ARPC3: variants seen among roughly 807,000 people sequenced by gnomAD.
ARPC3 encodes the protein actin-related protein 2/3 complex subunit 3.
In ARPC3, 12 loss-of-function variants were observed where a neutral mutation model predicts 27.6. The ratio of observed to expected loss-of-function variants is 0.43; its 90% CI spans 0.28 to 0.70. The LOEUF is 0.70. Ranked by LOEUF, ARPC3 falls within the 30% of genes least tolerant of loss-of-function variation. The pLI, the probability that ARPC3 is intolerant of heterozygous loss-of-function variation, is 0.17. For missense variants in ARPC3, 153 were observed against 207.7 expected, an observed-to-expected ratio of 0.74 and a Z score of 1.62; for synonymous variants, 53 against 67.2, an observed-to-expected ratio of 0.79 and a Z score of 1.03.
chr12:110,445,973 G>A (rs900245555), intron 1 of ARPC3, among the ~76,000 whole-genome samples: 1 of 151,814 alleles, frequency 6.6e-6, no homozygotes, highest in Admixed American at 6.6e-5. Flanking sequence ...GCGTGGCGGC[G>A]TGCGCCTGTA....
intron 2 of ARPC3, among the ~76,000 whole-genome samples, chr12:110,444,146 T>G (rs966140801): frequency 6.6e-6 from 1 of 152,100 alleles, no homozygotes; most frequent in African/African-American, 2.4e-5. Flanking sequence ...ATTGTTTGTA[T>G]TTTTAGTTGA....
chr12:110,443,243 C>T (rs989934940), intron 2 of ARPC3, among the ~76,000 whole-genome samples: 2 of 151,760 alleles, frequency 1.3e-5, no homozygotes, highest in Non-Finnish European at 2.9e-5. Flanking sequence ...CTCAGCCTCC[C>T]GAGTACCTGG....
At chr12:110,435,280 T>C (rs2062396603) in intron 6 of ARPC3, 63 bp from the exon 7 acceptor site, 3 of 1,283,172 alleles carry the variant, frequency 2.3e-6, no homozygotes, top group Non-Finnish European at 3.4e-6. Context: ...TTTGCATTTA[T>C]TTAATAATAA....
At chr12:110,447,963 G>A (rs1351721345) in intron 1 of ARPC3, among the ~76,000 whole-genome samples, 1 of 141,556 alleles carries the variant, frequency 7.1e-6, no homozygotes, top group African/African-American at 2.6e-5. Flanking sequence ...GCTCACTGCA[G>A]CCTCAAACTC....
chr12:110,439,041 A>G (rs1452405813), intron 3 of ARPC3, among the ~76,000 whole-genome samples: 1 of 151,590 alleles, frequency 6.6e-6, no homozygotes, highest in African/African-American at 2.4e-5. Flanking sequence ...GGCTGGGTGC[A>G]GTGGTGTGAT....
chr12:110,440,221 T>C, intron 3 of ARPC3, 91 bp downstream of exon 3: 2 of 876,546 alleles, frequency 2.3e-6, no homozygotes, highest in Non-Finnish European at 3.8e-6. Flanking sequence ...GCTGATTTCA[T>C]TTTATTTTCT....
At chr12:110,435,274 C>A in intron 6 of ARPC3, 57 bp from the exon 7 acceptor site, 2 of 1,276,038 alleles carry the variant, frequency 1.6e-6, no homozygotes, top group Non-Finnish European at 2.3e-6. Context: ...ATAGAATTTG[C>A]ATTTATTTAA....
Position 110,436,695 on chromosome 12 carries a change from A to AATAT in ARPC3, c.253-16_253-13dup, listed in dbSNP as rs759554263. ...CTTTTGGAATTGCACTGGAAAAAAA[A>AATAT]ATATATATATATATATACACACACA... is the stretch of plus-strand genomic sequence containing the variant. On this transcript the variant is annotated splice_polypyrimidine_tract_variant and intron_variant, in intron 4 of 6. Coordinates refer to ENST00000228825, the MANE Select transcript of ARPC3 (RefSeq NM_001278556.2). The AATAT allele has an allele frequency of 1.4e-6, 1 of 735,058 alleles. No homozygotes were observed. The allele number at this position is 735,058 out of a possible 1,614,324, so 45.5% of individuals were successfully genotyped here. A position where few individuals can be genotyped will look rare whatever the true frequency, so the allele number is the denominator to read the frequency against.
intron 2 of ARPC3, among the ~76,000 whole-genome samples, chr12:110,442,245 C>T (rs1158187859): frequency 6.6e-6 from 1 of 152,228 alleles, no homozygotes; most frequent in East Asian, 1.9e-4. Context: ...GAACATTATT[C>T]AAGACGTCTC....
rs2062404974 is a variant in ARPC3, at chr12:110,436,569, T to TGTTTGCAG, written c.359_366dup (p.Lys123LeufsTer9). On this transcript the variant is annotated frameshift_variant, in exon 5 of 7. Coordinates refer to ENST00000228825, the MANE Select transcript of ARPC3 (RefSeq NM_001278556.2). LOFTEE classifies it high-confidence loss of function. ...GACCTGTTCTTACCATCTTCCTGTT[T>TGTTTGCAG]GTTTGCAGGTTTGGCATAAATTGCG... The TGTTTGCAG allele has an allele frequency of 1.9e-6, 3 of 1,613,858 alleles. No individual in the cohort carries two copies. The highest frequency in any genetic ancestry group is 2.5e-6 in the Non-Finnish European group (3 of 1,179,968).
intron 3 of ARPC3, among the ~76,000 whole-genome samples, chr12:110,439,162 T>A (rs1010354475): frequency 6.6e-6 from 1 of 151,910 alleles, no homozygotes; most frequent in Non-Finnish European, 1.5e-5. Flanking sequence ...ATTTTTGTAT[T>A]TTTGGTAGAG....
chr12:110,444,784 T>C (rs563321440), intron 2 of ARPC3: 1 of 152,602 alleles, frequency 6.6e-6, no homozygotes, highest in South Asian at 2.1e-4. Flanking sequence ...ACTGGATAAG[T>C]ACCAAATTGG....
intron 5 of ARPC3, 149 bp from the exon 6 acceptor site, chr12:110,436,353 A>G (rs911207077): frequency 1.8e-6 from 2 of 1,108,066 alleles, no homozygotes; most frequent in African/African-American, 1.6e-5. Flanking sequence ...TTTTATAACT[A>G]TATTTGTTTT....
intron 1 of ARPC3, among the ~76,000 whole-genome samples, chr12:110,449,165 C>T (rs931349450): frequency 3.3e-5 from 5 of 152,110 alleles, no homozygotes; most frequent in Admixed American, 2.0e-4. Flanking sequence ...TCTCGACTCC[C>T]GATTTGAATG....
chr12:110,443,829 G>C (rs567232551), intron 2 of ARPC3, among the ~76,000 whole-genome samples: 6 of 152,170 alleles, frequency 3.9e-5, no homozygotes, highest in African/African-American at 1.4e-4. Flanking sequence ...TGACAGGAGG[G>C]GGCAAAGGCC....
At chr12:110,445,106 T>C (rs996914327) in intron 2 of ARPC3, 2 of 269,334 alleles carry the variant, frequency 7.4e-6, no homozygotes, top group Non-Finnish European at 1.5e-5. Flanking sequence ...AAATATTTGT[T>C]GTTGTTCTTT....
intron 2 of ARPC3, chr12:110,443,123 CTT>C (rs1184738545): frequency 3.4e-5 from 5 of 146,016 alleles, no homozygotes; most frequent in East Asian, 2.0e-4. Flanking sequence ...TTGCAATTTA[CTT>C]TTTTTTTTTT....
At chr12:110,436,393 TG>T in intron 5 of ARPC3, 163 bp downstream of exon 5, 1 of 1,306,362 alleles carries the variant, frequency 7.7e-7, no homozygotes, top group Non-Finnish European at 1.1e-6. Flanking sequence ...ATGTCATCCT[TG>T]TTGCCAAGAA....
intron 1 of ARPC3, among the ~76,000 whole-genome samples, chr12:110,449,993 G>A (rs1275373176): frequency 8.9e-6 from 1 of 112,784 alleles, no homozygotes; most frequent in African/African-American, 4.2e-5. Flanking sequence ...GCCGGAGTCG[G>A]AAGGAGTAGA....
Sources: gnomAD v4.1 joint callset for allele counts (sites outside exome capture counted in the v4.1 genomes callset) on GRCh38, gnomAD v4.1.1 for gene constraint, MANE v1.5 for transcripts, NCBI Gene and HGNC (gene_info 2026-07-23, HGNC 2026-07-21) for gene names.